The following CNTN4 variants were observed in gnomAD, a reference collection of about 807,000 sequenced individuals.
CNTN4 encodes the protein contactin-4.
A neutral mutation model predicts 122.5 loss-of-function variants in CNTN4; 77 were observed. The observed-to-expected ratio is 0.63, with a 90% confidence interval of 0.52 to 0.76. CNTN4 has a LOEUF of 0.76. Ranked by LOEUF, CNTN4 falls within the 30% of genes least tolerant of loss-of-function variation. The probability of loss-of-function intolerance (pLI) is 0.00; values close to 1 mark genes in which losing one functional copy is unlikely to be tolerated. For synonymous variants in CNTN4, 512 were observed against 447.0 expected (o/e 1.15, Z -1.83); for missense variants, 1,256 against 1,259.1 (o/e 1.00, Z 0.04).
chr3:2,364,072 C>T (rs901768821), intron 3 of CNTN4, among the ~76,000 whole-genome samples: 5 of 152,044 alleles, frequency 3.3e-5, no homozygotes, highest in African/African-American at 9.6e-5. Flanking sequence ...TATAATATTT[C>T]AATATGACTC....
At chr3:2,762,279 G>A (rs1370935342) in intron 6 of CNTN4, among the ~76,000 whole-genome samples, 6 of 152,186 alleles carry the variant, frequency 3.9e-5, no homozygotes, top group Non-Finnish European at 8.8e-5. Context: ...CTTGTGTCAT[G>A]AGGGTTTGTT....
chr3:2,376,076 A>G (rs1453762622), intron 3 of CNTN4, among the ~76,000 whole-genome samples: 1 of 152,184 alleles, frequency 6.6e-6, no homozygotes, highest in Non-Finnish European at 1.5e-5. Context: ...GAAAAAAAAT[A>G]TGAAATAAAC....
chr3:2,332,727 G>T (rs1035727887), intron 2 of CNTN4, among the ~76,000 whole-genome samples: 1 of 144,206 alleles, frequency 6.9e-6, no homozygotes, highest in African/African-American at 2.6e-5. Flanking sequence ...GTTGTGGGGT[G>T]GGGGGAGTGG....
chr3:2,427,498 G>A (rs1352909805), intron 3 of CNTN4, among the ~76,000 whole-genome samples: 1 of 152,112 alleles, frequency 6.6e-6, no homozygotes, highest in Non-Finnish European at 1.5e-5. Context: ...CCAACTTTGT[G>A]GTCAATTTTG....
chr3:2,358,486 T>C (rs1252399329), intron 3 of CNTN4, among the ~76,000 whole-genome samples: 1 of 151,824 alleles, frequency 6.6e-6, no homozygotes, highest in African/African-American at 2.4e-5. Context: ...TAGAATGCTC[T>C]TGGTGACTGG....
chr3:2,627,701 G>T (rs571033338), intron 4 of CNTN4, among the ~76,000 whole-genome samples: 1 of 151,938 alleles, frequency 6.6e-6, no homozygotes. Context: ...CACCGTGTTA[G>T]CCAGGATGGT....
intron 3 of CNTN4, among the ~76,000 whole-genome samples, chr3:2,541,073 T>G (rs1324999754): frequency 6.6e-6 from 1 of 152,166 alleles, no homozygotes; most frequent in Non-Finnish European, 1.5e-5. Flanking sequence ...AAGTCTAATC[T>G]CCTATCTTTC....
chr3:3,032,252 G>A (rs1303984845), intron 16 of CNTN4, among the ~76,000 whole-genome samples: 1 of 152,122 alleles, frequency 6.6e-6, no homozygotes, highest in Admixed American at 6.6e-5. Context: ...CTCCCCTTGG[G>A]AACAAAAGAA....
chr3:2,395,576 G>GT (rs1314391402), intron 3 of CNTN4, among the ~76,000 whole-genome samples: 1 of 152,116 alleles, frequency 6.6e-6, no homozygotes, highest in Non-Finnish European at 1.5e-5. Context: ...TGAATAGGCA[G>GT]TTTTTCAGTC....
chr3:2,395,231 A>G lies in CNTN4; in HGVS notation c.-89+55998A>G, dbSNP rs2046597959. On this transcript the variant is annotated intron_variant, in intron 3 of 24. Transcript: ENST00000418658. ...TAGCAACATGAATGAATCTTAATACATGGTGAGTACAGGAAGCCATACACA... is the reference window on the plus strand; with the variant it reads ...TAGCAACATGAATGAATCTTAATACGTGGTGAGTACAGGAAGCCATACACA... Among the ~76,000 whole-genome samples, 4 of 152,306 alleles carry G rather than the reference A, an allele frequency of 2.6e-5. No homozygotes were observed. In the South Asian group the frequency reaches 8.3e-4, roughly 32 times the overall value.
chr3:2,418,187 A>T (rs1401427326), intron 3 of CNTN4, among the ~76,000 whole-genome samples: 1 of 152,190 alleles, frequency 6.6e-6, no homozygotes, highest in Non-Finnish European at 1.5e-5. Context: ...GATAATAAAT[A>T]TACCGCTGGT....
At chr3:2,269,380 A>C (rs1314683107) in intron 2 of CNTN4, among the ~76,000 whole-genome samples, 1 of 152,112 alleles carries the variant, frequency 6.6e-6, no homozygotes, top group Admixed American at 6.6e-5. Context: ...ATTCCACAGC[A>C]TGCATTTCAG....
intron 4 of CNTN4, among the ~76,000 whole-genome samples, chr3:2,631,897 A>AAAAAATT (rs1295623454): frequency 1.3e-5 from 2 of 149,714 alleles, no homozygotes; most frequent in Non-Finnish European, 3.0e-5. Context: ...AACAACAACT[A>AAAAAATT]AAAAATTAGC....
At chr3:2,706,767 A>C (rs1233041788) in intron 4 of CNTN4, among the ~76,000 whole-genome samples, 1 of 152,182 alleles carries the variant, frequency 6.6e-6, no homozygotes, top group East Asian at 1.9e-4. Context: ...CTAGGGTAAG[A>C]ACTAAAAGAT....
intron 18 of CNTN4, chr3:3,037,602 T>G (rs927768138): frequency 7.5e-5 from 34 of 455,742 alleles, no homozygotes; most frequent in African/African-American, 5.9e-4. Flanking sequence ...TCTTCATTGG[T>G]TCATTTGTCA....
chr3:2,187,032 T>G (rs2037303410), intron 2 of CNTN4, among the ~76,000 whole-genome samples: 2 of 152,178 alleles, frequency 1.3e-5, no homozygotes, highest in Non-Finnish European at 1.5e-5. Context: ...ATTGCCTAGG[T>G]TTTCTTCTAA....
At chr3:2,590,282 G>A (rs1429747980) in intron 4 of CNTN4, among the ~76,000 whole-genome samples, 1 of 152,026 alleles carries the variant, frequency 6.6e-6, no homozygotes, top group Non-Finnish European at 1.5e-5. Flanking sequence ...TTTGAGACAG[G>A]GTCTCGCTCT....
At chr3:2,470,563 C>T (rs2151498181) in intron 3 of CNTN4, among the ~76,000 whole-genome samples, 1 of 152,190 alleles carries the variant, frequency 6.6e-6, no homozygotes, top group East Asian at 1.9e-4. Context: ...CATTTCTGCT[C>T]CTGTCTTAAT....
chr3:2,368,661 T>C (rs1559492642), intron 3 of CNTN4, among the ~76,000 whole-genome samples: 1 of 144,450 alleles, frequency 6.9e-6, no homozygotes, highest in Non-Finnish European at 1.5e-5. Context: ...TCACATTTTC[T>C]TAAATAATAA....
Sources: allele counts gnomAD v4.1 joint callset (sites outside exome capture counted in the v4.1 genomes callset), GRCh38; gene constraint gnomAD v4.1.1; transcripts MANE v1.5; gene names NCBI Gene and HGNC (gene_info 2026-07-23, HGNC 2026-07-21).